Variants in ZFP91 observed in about 807,000 individuals in gnomAD.
The protein encoded by ZFP91 is ZFP91 zinc finger protein, atypical E3 ubiquitin ligase, also known as E3 ubiquitin-protein ligase ZFP91.
In ZFP91, 7 loss-of-function variants were observed where a neutral mutation model predicts 63.5. The observed-to-expected ratio is 0.11, with a 90% confidence interval of 0.06 to 0.21. ZFP91 has a LOEUF of 0.21. ZFP91 is among the 10% of genes least tolerant of loss of function. The pLI, the probability that ZFP91 is intolerant of heterozygous loss-of-function variation, is 1.00. For missense variants in ZFP91, 628 were observed against 736.6 expected, an observed-to-expected ratio of 0.85 and a Z score of 1.71; for synonymous variants, 330 against 272.1, an observed-to-expected ratio of 1.21 and a Z score of -2.10.
At chr11:58,589,920 C>T (rs1324885260) in intron 2 of ZFP91, among the ~76,000 whole-genome samples, 1 of 152,196 alleles carries the variant, frequency 6.6e-6, no homozygotes, top group Non-Finnish European at 1.5e-5. Context: ...ATGGGATTAC[C>T]TATCAGGTAA....
intron 1 of ZFP91, among the ~76,000 whole-genome samples, chr11:58,584,380 G>T (rs1855169413): frequency 6.6e-6 from 1 of 152,030 alleles, no homozygotes. Flanking sequence ...TGCCATGCTT[G>T]CTATGTCCAT....
intron 7 of ZFP91, 43 bp from the exon 8 acceptor site, chr11:58,612,719 C>CTTT (rs35224542): frequency 4.2e-4 from 533 of 1,274,554 alleles, no homozygotes; most frequent in South Asian, 4.5e-4. Context: ...CAGAGTACCA[C>CTTT]TTTTTTTTTT....
chr11:58,593,397 C>T (rs1043021887), intron 2 of ZFP91, among the ~76,000 whole-genome samples: 4 of 152,124 alleles, frequency 2.6e-5, no homozygotes, highest in Non-Finnish European at 5.9e-5. Context: ...TTTTCTTAAA[C>T]GTGTTCTCAA....
At chr11:58,616,612 G>A (rs1240527857) in intron 9 of ZFP91, 104 bp from the exon 10 acceptor site, 32 of 804,204 alleles carry the variant, frequency 4.0e-5, no homozygotes. Flanking sequence ...AAACAGCATT[G>A]CTTTTACTCT....
chr11:58,592,986 TAAAC>T (rs911382194), intron 2 of ZFP91, among the ~76,000 whole-genome samples: 4 of 152,096 alleles, frequency 2.6e-5, no homozygotes, highest in African/African-American at 7.2e-5. Flanking sequence ...GCTAGGCTCT[TAAAC>T]AACCAGGTCT....
intron 2 of ZFP91, among the ~76,000 whole-genome samples, chr11:58,608,643 C>T (rs11229544): frequency 0.076 from 11,597 of 152,112 alleles, 594 homozygotes; most frequent in South Asian, 0.16. Flanking sequence ...CTTGCTCTTT[C>T]GCCGAGGCTG....
At chr11:58,587,106 AAAGTT>A (rs1855223435) in intron 2 of ZFP91, among the ~76,000 whole-genome samples, 1 of 152,208 alleles carries the variant, frequency 6.6e-6, no homozygotes, top group East Asian at 1.9e-4. Context: ...ACTTAAAAAA[AAAGTT>A]AAGTTGCAAA....
Position 58,618,725 on chromosome 11 carries a change from T to G in ZFP91, c.*1019T>G, listed in dbSNP as rs1855796502. The stretch of plus-strand genomic sequence containing the variant: ...CACAGCCAGCCTCTGAAATCATAGC[T>G]CTCCAGTGGCTTTTAAAGAAAGCTG... On this transcript the variant is annotated 3_prime_UTR_variant, in exon 11 of 11. Transcript: ENST00000316059. 1 of 456,314 alleles carries G rather than the reference T, an allele frequency of 2.2e-6. No individual in the cohort carries two copies. The allele number at this position is 456,314 out of a possible 1,614,324, so 28.3% of individuals were successfully genotyped here. A position where few individuals can be genotyped will look rare whatever the true frequency, so the allele number is the denominator to read the frequency against.
intron 1 of ZFP91, among the ~76,000 whole-genome samples, chr11:58,583,111 A>AT (rs1315536619): frequency 3.3e-5 from 5 of 152,132 alleles, no homozygotes; most frequent in Admixed American, 2.0e-4. Context: ...TTTGCCTATG[A>AT]TTTTTTTCTG....
intron 2 of ZFP91, among the ~76,000 whole-genome samples, chr11:58,595,219 G>T (rs1237393818): frequency 6.6e-6 from 1 of 151,908 alleles, no homozygotes; most frequent in Non-Finnish European, 1.5e-5. Context: ...TGATTTTTGA[G>T]AAATGAAAAA....
In ZFP91 at chr11:58,621,285, T is replaced by C. The variant is rs187760493; in HGVS notation, c.*3579T>C. ...TTTGACAACTGCCTCCTAGGAAAAC[T>C]GGCCATATGTTAATTAACCTAGTAG... is the stretch of plus-strand genomic sequence containing the variant. On this transcript the variant is annotated 3_prime_UTR_variant, in exon 11 of 11. Transcript: ENST00000316059. Among the ~76,000 whole-genome samples, 3 of 152,338 alleles carry C rather than the reference T, an allele frequency of 2.0e-5. No individual in the cohort carries two copies. The highest frequency in any genetic ancestry group is 1.3e-4 in the Admixed American group (2 of 15,294).
intron 2 of ZFP91, among the ~76,000 whole-genome samples, chr11:58,598,657 T>A (rs1258308330): frequency 6.6e-6 from 1 of 151,990 alleles, no homozygotes; most frequent in Non-Finnish European, 1.5e-5. Context: ...ACTTGGCTTG[T>A]TTCCTATCTG....
intron 2 of ZFP91, among the ~76,000 whole-genome samples, chr11:58,590,178 G>A (rs1855280542): frequency 6.6e-6 from 1 of 152,180 alleles, no homozygotes; most frequent in South Asian, 2.1e-4. Flanking sequence ...AGACTTGCTT[G>A]TATCTTCATT....
intron 2 of ZFP91, among the ~76,000 whole-genome samples, chr11:58,587,318 G>A (rs904018079): frequency 1.3e-5 from 2 of 152,082 alleles, no homozygotes; most frequent in Non-Finnish European, 2.9e-5. Context: ...GATTCTACTG[G>A]TAATCAAATA....
chr11:58,579,317 G>A lies in ZFP91; in HGVS notation c.36G>A (p.Glu12=), dbSNP rs1413620874. 3 of 1,493,004 alleles carry A rather than the reference G, an allele frequency of 2.0e-6. No individual in the cohort carries two copies. The highest frequency in any genetic ancestry group is 1.5e-5 in the African/African-American group (1 of 67,944). 92.5% of individuals were successfully genotyped at this position (1,493,004 alleles called of 1,614,324 possible). A position where few individuals can be genotyped will look rare whatever the true frequency, so the allele number is the denominator to read the frequency against. ...PGETEEPRPP[E]QQDQEGGEAA... ...AGACGGAAGAGCCGAGACCCCCGGAGCAGCAGGACCAGGAAGGGGGAGAGG... is the reference window on the plus strand; with the variant it reads ...AGACGGAAGAGCCGAGACCCCCGGAACAGCAGGACCAGGAAGGGGGAGAGG... Residue 12 remains glutamate (E), a synonymous_variant, in exon 1 of 11, where the codon GAG becomes GAA. Coordinates refer to ENST00000316059, the MANE Select transcript of ZFP91 (RefSeq NM_053023.5).
At chr11:58,581,510 G>A (rs910128099) in intron 1 of ZFP91, among the ~76,000 whole-genome samples, 5 of 152,078 alleles carry the variant, frequency 3.3e-5, no homozygotes, top group Admixed American at 2.0e-4. Context: ...ACAGGCGCCC[G>A]CCACCAATCC....
At chr11:58,581,342 C>T (rs1487503319) in intron 1 of ZFP91, among the ~76,000 whole-genome samples, 1 of 152,138 alleles carries the variant, frequency 6.6e-6, no homozygotes, top group Non-Finnish European at 1.5e-5. Context: ...ATAATTATGT[C>T]TAAAATGGTA....
chr11:58,585,075 T>C (rs560921925), intron 2 of ZFP91, among the ~76,000 whole-genome samples, 191 bp downstream of exon 2: 2 of 152,324 alleles, frequency 1.3e-5, no homozygotes, highest in Non-Finnish European at 2.9e-5. Flanking sequence ...TTTAGAAACC[T>C]AATAAAGGCA....
chr11:58,609,800 T>C, intron 2 of ZFP91, 30 bp from the exon 3 acceptor site: 1 of 1,597,436 alleles, frequency 6.3e-7, no homozygotes, highest in Non-Finnish European at 8.6e-7. Context: ...AACTGTAAAC[T>C]TAAAGAGAAT....
Sources: gnomAD v4.1 joint callset for allele counts (sites outside exome capture counted in the v4.1 genomes callset) on GRCh38, gnomAD v4.1.1 for gene constraint, MANE v1.5 for transcripts, NCBI Gene and HGNC (gene_info 2026-07-23, HGNC 2026-07-21) for gene names.